The following CDC42BPA variants were observed in gnomAD, a reference collection of about 807,000 sequenced individuals.
The protein encoded by CDC42BPA is CDC42 binding protein kinase alpha.
Under a neutral mutation model 223.5 loss-of-function variants are expected in CDC42BPA, and 80 were observed. That is an observed-to-expected ratio of 0.36 (90% CI 0.30 to 0.43). The LOEUF (loss-of-function observed/expected upper bound fraction) is 0.43, where lower values mean the gene tolerates loss of function less well. Ranked by LOEUF, CDC42BPA falls within the 20% of genes least tolerant of loss-of-function variation. The pLI, the probability that CDC42BPA is intolerant of heterozygous loss-of-function variation, is 1.00. For missense variants in CDC42BPA, 1,743 were observed against 2,099.9 expected (o/e 0.83, Z 3.32); for synonymous variants, 694 against 718.6 (o/e 0.97, Z 0.55).
chr1:227,105,811 G>T (rs1685827297), intron 14 of CDC42BPA, among the ~76,000 whole-genome samples: 1 of 152,228 alleles, frequency 6.6e-6, no homozygotes, highest in African/African-American at 2.4e-5. Context: ...ATACTCCATT[G>T]TATTTATATA....
chr1:227,103,363 G>C (rs1304654279), intron 14 of CDC42BPA, among the ~76,000 whole-genome samples: 3 of 151,980 alleles, frequency 2.0e-5, no homozygotes, highest in African/African-American at 7.2e-5. Flanking sequence ...ATTGTTAATT[G>C]AAGGATAATA....
intron 34 of CDC42BPA, 34 bp from the exon 35 acceptor site, chr1:227,005,145 C>T (rs768035422): frequency 1.4e-6 from 2 of 1,409,384 alleles, no homozygotes; most frequent in African/African-American, 1.4e-5. Context: ...ATCCTTTAGC[C>T]AGAAAGAAAC....
At chr1:227,186,833 T>C (rs914282953) in intron 5 of CDC42BPA, among the ~76,000 whole-genome samples, 17 of 152,088 alleles carry the variant, frequency 1.1e-4, no homozygotes, top group African/African-American at 3.9e-4. Flanking sequence ...CCAGGGGCAA[T>C]TGTTTGAAGG....
intron 31 of CDC42BPA, among the ~76,000 whole-genome samples, chr1:227,024,567 G>A (rs185390560): frequency 5.3e-5 from 8 of 152,302 alleles, no homozygotes; most frequent in Non-Finnish European, 1.0e-4. Flanking sequence ...ACAGACAGTA[G>A]TGCTAAGTTC....
intron 21 of CDC42BPA, among the ~76,000 whole-genome samples, chr1:227,066,445 A>G (rs1413614117): frequency 6.6e-6 from 1 of 152,144 alleles, no homozygotes; most frequent in African/African-American, 2.4e-5. Context: ...GCAGAAAAAG[A>G]GCTACAGAAG....
intron 5 of CDC42BPA, among the ~76,000 whole-genome samples, chr1:227,168,559 G>A (rs1425592266): frequency 2.2e-5 from 3 of 138,504 alleles, no homozygotes; most frequent in African/African-American, 2.7e-5. Flanking sequence ...GCAATGGTGC[G>A]ATCTCCGCTC....
At chr1:227,228,110 T>TG (rs1267891608) in intron 2 of CDC42BPA, among the ~76,000 whole-genome samples, 1 of 141,950 alleles carries the variant, frequency 7.0e-6, no homozygotes, top group Non-Finnish European at 1.6e-5. Context: ...GTGAGGCCTA[T>TG]GGGGTGGGGA....
At chr1:227,207,886 T>A (rs1239943080) in intron 3 of CDC42BPA, among the ~76,000 whole-genome samples, 1 of 108,020 alleles carries the variant, frequency 9.3e-6, no homozygotes, top group Middle Eastern at 3.9e-3. Flanking sequence ...TACCCAGTAA[T>A]GGGATGGCTG....
chr1:227,111,330 C>G (rs936902412), intron 14 of CDC42BPA, among the ~76,000 whole-genome samples: 1 of 152,110 alleles, frequency 6.6e-6, no homozygotes, highest in Non-Finnish European at 1.5e-5. Flanking sequence ...AAAAATATCA[C>G]GTCAATTTGA....
At chr1:227,046,369 A>C (rs999755232) in intron 23 of CDC42BPA, among the ~76,000 whole-genome samples, 15 of 152,014 alleles carry the variant, frequency 9.9e-5, no homozygotes, top group Non-Finnish European at 2.1e-4. Context: ...GGGGAGGAGG[A>C]GGCTACAGTC....
At chr1:227,230,078 C>T (rs959895148) in intron 2 of CDC42BPA, among the ~76,000 whole-genome samples, 1 of 152,142 alleles carries the variant, frequency 6.6e-6, no homozygotes, top group Non-Finnish European at 1.5e-5. Flanking sequence ...TTAACAGAGC[C>T]CTACTCTTTA....
intron 3 of CDC42BPA, among the ~76,000 whole-genome samples, chr1:227,202,559 A>G (rs959434091): frequency 1.3e-5 from 2 of 152,216 alleles, no homozygotes; most frequent in Non-Finnish European, 2.9e-5. Flanking sequence ...ACTTTAGTCA[A>G]CAGAACATAT....
chr1:227,026,107 T>A lies in CDC42BPA; in HGVS notation c.4478A>T (p.Asp1493Val). ...TTCCATGGAGTTCACATCAAAGATA[T>A]CAACTGCATTTTCACTGTACACCGA... ...YLSVYSENAV[D>V]IFDVNSMEWI... The change falls in exon 31 of 37, where the codon GAT (aspartate) becomes GTT (valine). Residue 1493 changes from aspartate to valine, a missense_variant. Transcript: ENST00000366766. 6.2e-7 allele frequency: 1 copy of A among 1,608,890 alleles called. No homozygotes were observed. Among genetic ancestry groups the A allele is most frequent in the Admixed American group, 1.7e-5 (1 of 59,072 alleles).
intron 2 of CDC42BPA, among the ~76,000 whole-genome samples, chr1:227,216,339 A>G (rs1417156694): frequency 6.6e-6 from 1 of 152,144 alleles, no homozygotes; most frequent in Non-Finnish European, 1.5e-5. Context: ...GTATTGTGGT[A>G]TAACTGATCA....
At chr1:227,023,160 G>T in intron 32 of CDC42BPA, 103 bp downstream of exon 32, 1 of 617,690 alleles carries the variant, frequency 1.6e-6, no homozygotes, top group Non-Finnish European at 2.8e-6. Flanking sequence ...CACCTGTGTT[G>T]AAATCTGGAC....
chr1:227,137,366 G>C (rs72750172), intron 10 of CDC42BPA, among the ~76,000 whole-genome samples: 30,428 of 151,974 alleles, frequency 0.2, 3,147 homozygotes, highest in Middle Eastern at 0.26. Context: ...CGGACGATAA[G>C]TTCTGGTGAG....
At chr1:227,261,800 C>G (rs2148371053) in intron 1 of CDC42BPA, among the ~76,000 whole-genome samples, 1 of 152,190 alleles carries the variant, frequency 6.6e-6, no homozygotes, top group South Asian at 2.1e-4. Flanking sequence ...GACCCTTTCC[C>G]CATGTCAGGG....
intron 2 of CDC42BPA, among the ~76,000 whole-genome samples, chr1:227,233,554 A>C (rs1678426442): frequency 6.6e-6 from 1 of 152,134 alleles, no homozygotes; most frequent in Admixed American, 6.5e-5. Context: ...TACCTATCAA[A>C]GTTATGTTTT....
chr1:227,100,441 C>T (rs1684807785), intron 15 of CDC42BPA, among the ~76,000 whole-genome samples: 1 of 152,144 alleles, frequency 6.6e-6, no homozygotes, highest in Non-Finnish European at 1.5e-5. Flanking sequence ...TCTCACCACT[C>T]TCATCTATTT....
Sources: gnomAD v4.1 joint callset for allele counts (sites outside exome capture counted in the v4.1 genomes callset) on GRCh38, gnomAD v4.1.1 for gene constraint, MANE v1.5 for transcripts, NCBI Gene and HGNC (gene_info 2026-07-23, HGNC 2026-07-21) for gene names.